The following COL25A1 variants were observed in gnomAD, a reference collection of about 807,000 sequenced individuals.
The protein encoded by COL25A1 is collagen type XXV alpha 1 chain, also known as collagen alpha-1(XXV) chain.
Under a neutral mutation model 128.4 loss-of-function variants are expected in COL25A1, and 103 were observed. That is an observed-to-expected ratio of 0.80 (90% CI 0.68 to 0.94). The LOEUF is 0.94. Among genes scored for constraint, COL25A1 ranks in the 40% least tolerant of loss-of-function variants. COL25A1 has a pLI of 0.00. For synonymous variants in COL25A1, 279 were observed against 277.2 expected (o/e 1.01, Z -0.06); for missense variants, 745 against 840.0 (o/e 0.89, Z 1.40).
rs57643656 is a variant in COL25A1, at chr4:109,265,518, CGTGTGTGTGTGTGTGTGTGTGT to C, written c.367+35043_367+35064del. 8.4e-4 allele frequency among the ~76,000 whole-genome samples: 109 copies of C among 129,702 alleles called. 1 individual carries two copies. The highest frequency in any genetic ancestry group is 5.6e-3 in the Admixed American group (71 of 12,700). The allele number at this position is 129,702 out of a possible 152,430, so 85.1% of individuals were successfully genotyped here. A position where few individuals can be genotyped will look rare whatever the true frequency, so the allele number is the denominator to read the frequency against. On this transcript the variant is annotated intron_variant, in intron 3 of 37. Coordinates refer to ENST00000399132, the MANE Select transcript of COL25A1 (RefSeq NM_198721.4). Reference sequence around the variant, plus strand: ...GTGTTTTCTTACAGTAATAACAGTACGTGTGTGTGTGTGTGTGTGTGTGTGTGTGTGTGTGTGTGTGTGTGTG... The same window carrying C: ...GTGTTTTCTTACAGTAATAACAGTACGTGTGTGTGTGTGTGTGTGTGTGTG...
chr4:108,865,698 C>A (rs543964222), intron 20 of COL25A1, among the ~76,000 whole-genome samples: 1 of 152,232 alleles, frequency 6.6e-6, no homozygotes, highest in Non-Finnish European at 1.5e-5. Flanking sequence ...AACAAAAACC[C>A]TTAAAAATAA....
intron 3 of COL25A1, among the ~76,000 whole-genome samples, chr4:109,174,285 G>A (rs1773862477): frequency 6.6e-6 from 1 of 152,174 alleles, no homozygotes; most frequent in Admixed American, 6.5e-5. Flanking sequence ...GACATGTGGT[G>A]AAATCAGGAG....
At chr4:109,196,463 A>G (rs75115869) in intron 3 of COL25A1, among the ~76,000 whole-genome samples, 3,546 of 152,250 alleles carry the variant, frequency 0.023, 118 homozygotes, top group African/African-American at 0.073. Flanking sequence ...TTACATAGAG[A>G]GTATATGTTA....
chr4:109,007,110 G>T (rs987857103), intron 6 of COL25A1, among the ~76,000 whole-genome samples: 2 of 152,124 alleles, frequency 1.3e-5, no homozygotes, highest in African/African-American at 4.8e-5. Flanking sequence ...TTTTGCTGAA[G>T]AGTAATTTTT....
intron 3 of COL25A1, among the ~76,000 whole-genome samples, chr4:109,227,518 T>A (rs1578492135): frequency 6.6e-6 from 1 of 152,240 alleles, no homozygotes; most frequent in Non-Finnish European, 1.5e-5. Context: ...ACAAATTTTG[T>A]AACTATAAAC....
At chr4:108,898,796 C>A (rs185465576) in intron 15 of COL25A1, among the ~76,000 whole-genome samples, 12 of 152,258 alleles carry the variant, frequency 7.9e-5, no homozygotes, top group African/African-American at 2.9e-4. Context: ...AAAAGCCTGA[C>A]ACAGAATGTT....
chr4:109,019,430 G>C (rs34039229), intron 5 of COL25A1, among the ~76,000 whole-genome samples: 75,300 of 137,558 alleles, frequency 0.55, 22,652 homozygotes, highest in African/African-American at 0.8. Context: ...TTCTGTCCCA[G>C]ACCCCAACAT....
Position 109,197,801 on chromosome 4 carries a change from G to A in COL25A1, c.367+102782C>T, listed in dbSNP as rs556923360. Among the ~76,000 whole-genome samples, 145 of 151,652 alleles carry A rather than the reference G, an allele frequency of 9.6e-4. 1 individual carries two copies. Among genetic ancestry groups the A allele is most frequent in the Middle Eastern group, 3.4e-3 (1 of 294 alleles). ...GTATACCTGACTATTACAGATGGAC[G>A]GTGACTGATTCAATAGATGAATAAG... On this transcript the variant is annotated intron_variant, in intron 3 of 37. Coordinates refer to ENST00000399132, the MANE Select transcript of COL25A1 (RefSeq NM_198721.4).
At chr4:109,133,093 T>C (rs1352833857) in intron 3 of COL25A1, among the ~76,000 whole-genome samples, 2 of 152,094 alleles carry the variant, frequency 1.3e-5, no homozygotes, top group Non-Finnish European at 2.9e-5. Context: ...ATCTACTACG[T>C]TAGACTGCAG....
At chr4:108,927,154 C>A (rs1746163556) in intron 11 of COL25A1, among the ~76,000 whole-genome samples, 1 of 152,184 alleles carries the variant, frequency 6.6e-6, no homozygotes, top group Admixed American at 6.5e-5. Context: ...CTTAATCATT[C>A]TTCAAGGCCC....
chr4:108,986,392 G>T (rs1029697770), intron 6 of COL25A1, among the ~76,000 whole-genome samples: 1 of 152,128 alleles, frequency 6.6e-6, no homozygotes, highest in Non-Finnish European at 1.5e-5. Context: ...ACCAAACTTT[G>T]TGTACTTCTT....
intron 3 of COL25A1, among the ~76,000 whole-genome samples, chr4:109,206,369 T>C (rs990720497): frequency 2.0e-5 from 3 of 152,166 alleles, no homozygotes; most frequent in Non-Finnish European, 4.4e-5. Context: ...CCACAAACTA[T>C]TGCGTGCTGA....
intron 5 of COL25A1, among the ~76,000 whole-genome samples, chr4:109,038,514 C>T (rs575334245): frequency 3.4e-4 from 52 of 152,268 alleles, no homozygotes; most frequent in African/African-American, 9.6e-4. Context: ...GATATAATCA[C>T]CAAGGCTGTT....
chr4:109,121,587 T>C (rs1408609864), intron 3 of COL25A1, among the ~76,000 whole-genome samples: 6 of 152,104 alleles, frequency 3.9e-5, no homozygotes, highest in Non-Finnish European at 7.4e-5. Context: ...ACTATACACC[T>C]ATTAGAATGA....
At chr4:108,913,846 T>G (rs1442329769) in intron 13 of COL25A1, among the ~76,000 whole-genome samples, 1 of 152,200 alleles carries the variant, frequency 6.6e-6, no homozygotes, top group Non-Finnish European at 1.5e-5. Context: ...TTCTCCAGAG[T>G]ATTTGAAGTA....
chr4:109,256,490 G>GT (rs1459014032), intron 3 of COL25A1, among the ~76,000 whole-genome samples: 1 of 152,044 alleles, frequency 6.6e-6, no homozygotes, highest in Non-Finnish European at 1.5e-5. Flanking sequence ...ATCTCAAAGG[G>GT]TTTTTTAATT....
At chr4:108,917,704 C>CTTCT (rs1011297458) in intron 13 of COL25A1, among the ~76,000 whole-genome samples, 6 of 152,184 alleles carry the variant, frequency 3.9e-5, no homozygotes, top group Admixed American at 2.6e-4. Context: ...ATCTATTTAA[C>CTTCT]TTCTACTTTT....
chr4:109,123,818 T>G (rs1768340322), intron 3 of COL25A1, among the ~76,000 whole-genome samples: 1 of 152,078 alleles, frequency 6.6e-6, no homozygotes, highest in Admixed American at 6.6e-5. Flanking sequence ...TCACGGATTA[T>G]TCCTCCCTCT....
rs1462442077 is a variant in COL25A1, at chr4:108,868,952, A to C, written c.1083+136T>G. ...AGAAGGAAGGAAAGAAAGAAAAGAA[A>C]GAAAGAAAAAGGAAAGAAAGGAAAG... On this transcript the variant is annotated intron_variant, in intron 20 of 37. Transcript: ENST00000399132. The C allele has an allele frequency of 5.2e-6, 3 of 580,742 alleles. No homozygotes were observed. In the South Asian group the frequency reaches 6.8e-5, roughly 13 times the overall value. The allele number at this position is 580,742 out of a possible 1,614,324, so 36.0% of individuals were successfully genotyped here.
Sources: allele counts gnomAD v4.1 joint callset (sites outside exome capture counted in the v4.1 genomes callset), GRCh38; gene constraint gnomAD v4.1.1; transcripts MANE v1.5; gene names NCBI Gene and HGNC (gene_info 2026-07-23, HGNC 2026-07-21).